The following FARS2 variants were observed in gnomAD, a reference collection of about 807,000 sequenced individuals.
FARS2 encodes phenylalanyl-tRNA synthetase 2, mitochondrial, also known as phenylalanine--tRNA ligase, mitochondrial.
In FARS2, 40 loss-of-function variants were observed where a neutral mutation model predicts 46.4. The observed-to-expected ratio is 0.86, with a 90% CI of 0.67 to 1.12. The LOEUF (loss-of-function observed/expected upper bound fraction) is 1.12. FARS2 is among the 50% of genes most tolerant of loss of function. FARS2 has a pLI of 0.00. For missense variants in FARS2, 513 were observed against 567.9 expected (o/e 0.90, Z 0.98); for synonymous variants, 234 against 214.9 (o/e 1.09, Z -0.78).
rs1209611605 is a variant in FARS2 at position 5,263,878 on chromosome 6, A to C, written c.-22+2218A>C. ...AGCTTAAATATCAAAATGATGTATA[A>C]AGTAAAATTTGTATAGTAGTAGTAA... On this transcript the variant is annotated intron_variant, in intron 1 of 6. Transcript: ENST00000274680. Among the ~76,000 whole-genome samples the C allele has an allele frequency of 3.3e-5, 5 of 152,210 alleles. No individual in the cohort carries two copies. The East Asian group carries it at 9.6e-4, about 29-fold the overall frequency.
At chr6:5,391,152 C>G (rs1186660354) in intron 2 of FARS2, among the ~76,000 whole-genome samples, 1 of 152,084 alleles carries the variant, frequency 6.6e-6, no homozygotes, top group African/African-American at 2.4e-5. Context: ...ACCCTATTGC[C>G]CCTTTTAATA....
chr6:5,586,964 G>A (rs754684998), intron 5 of FARS2, among the ~76,000 whole-genome samples: 5 of 152,152 alleles, frequency 3.3e-5, no homozygotes, highest in Non-Finnish European at 2.9e-5. Context: ...ATCAAAATGT[G>A]TGGCTAATGG....
At chr6:5,444,999 A>G (rs1157802392) in intron 4 of FARS2, among the ~76,000 whole-genome samples, 1 of 152,206 alleles carries the variant, frequency 6.6e-6, no homozygotes, top group Non-Finnish European at 1.5e-5. Flanking sequence ...TGAGGGGCCT[A>G]AATTATATAA....
At chr6:5,428,827 T>A (rs1762998378) in intron 3 of FARS2, among the ~76,000 whole-genome samples, 1 of 152,200 alleles carries the variant, frequency 6.6e-6, no homozygotes, top group African/African-American at 2.4e-5. Context: ...GTGGGGACAG[T>A]TCTCCAACGG....
At chr6:5,687,452 G>C (rs1395394868) in intron 6 of FARS2, among the ~76,000 whole-genome samples, 1 of 152,148 alleles carries the variant, frequency 6.6e-6, no homozygotes, top group Admixed American at 6.5e-5. Context: ...TTATTAAATA[G>C]GGAATCCTTT....
At chr6:5,609,964 A>G (rs757657490) in intron 5 of FARS2, 6 of 1,272,298 alleles carry the variant, frequency 4.7e-6, no homozygotes, top group Middle Eastern at 2.5e-4. Context: ...TCTTCCATCC[A>G]CCTTGTGTGG....
intron 4 of FARS2, among the ~76,000 whole-genome samples, chr6:5,464,310 C>G (rs1048163758): frequency 1.3e-5 from 2 of 152,200 alleles, no homozygotes; most frequent in Non-Finnish European, 1.5e-5. Context: ...ACCATATGTG[C>G]AGGCTTCACA....
intron 4 of FARS2, among the ~76,000 whole-genome samples, chr6:5,508,980 G>A (rs1345750090): frequency 6.6e-6 from 1 of 152,144 alleles, no homozygotes; most frequent in Non-Finnish European, 1.5e-5. Flanking sequence ...TGAGTTTTGC[G>A]GGCTGGTCTC....
At chr6:5,413,479 C>T (rs994799212) in intron 3 of FARS2, among the ~76,000 whole-genome samples, 1 of 152,072 alleles carries the variant, frequency 6.6e-6, no homozygotes, top group Non-Finnish European at 1.5e-5. Context: ...ACCTAGAAAC[C>T]ATTAAGATTT....
intron 5 of FARS2, among the ~76,000 whole-genome samples, chr6:5,589,893 A>G (rs1410470386): frequency 4.6e-5 from 7 of 152,208 alleles, no homozygotes; most frequent in Non-Finnish European, 8.8e-5. Context: ...ATGAGCTGCT[A>G]TATCCTAGTG....
chr6:5,637,222 G>A (rs1350722874), intron 6 of FARS2, among the ~76,000 whole-genome samples: 1 of 152,256 alleles, frequency 6.6e-6, no homozygotes, highest in Non-Finnish European at 1.5e-5. Flanking sequence ...CATTCCTGGT[G>A]AGGAGGCCTT....
At chr6:5,260,598 T>TGCCCCGGCCCCGGGG, upstream of FARS2, 14 of 1,105,554 alleles carry the variant, frequency 1.3e-5, no homozygotes, top group Non-Finnish European at 1.6e-5. Flanking sequence ...GCACCCCCGG[T>TGCCCCGGCCCCGGGG]CCCCGGCCCC....
intron 3 of FARS2, among the ~76,000 whole-genome samples, chr6:5,411,122 C>T (rs1484127642): frequency 6.6e-6 from 1 of 152,066 alleles, no homozygotes; most frequent in Non-Finnish European, 1.5e-5. Context: ...ACAACAACAA[C>T]AAAAATCAGG....
intron 5 of FARS2, among the ~76,000 whole-genome samples, chr6:5,548,728 CAT>C (rs888452276): frequency 6.6e-6 from 1 of 152,122 alleles, no homozygotes; most frequent in African/African-American, 2.4e-5. Context: ...TTATGAGACA[CAT>C]AGAAATAGAC....
chr6:5,387,153 A>C (rs1024666491), intron 2 of FARS2, among the ~76,000 whole-genome samples: 2 of 152,134 alleles, frequency 1.3e-5, no homozygotes, highest in Non-Finnish European at 2.9e-5. Context: ...TGTTTAAAGG[A>C]AAGAATGGAA....
intron 5 of FARS2, among the ~76,000 whole-genome samples, chr6:5,573,629 C>T (rs945773586): frequency 6.6e-5 from 10 of 152,208 alleles, no homozygotes; most frequent in Admixed American, 2.6e-4. Flanking sequence ...CCTTCATCCC[C>T]CATTCCCTAC....
intron 6 of FARS2, among the ~76,000 whole-genome samples, chr6:5,625,854 G>A (rs1481307992): frequency 1.3e-5 from 2 of 152,194 alleles, no homozygotes; most frequent in African/African-American, 4.8e-5. Context: ...CTCCGGAGAG[G>A]TGGGACTGGG....
At chr6:5,484,996 A>G (rs1296828285) in intron 4 of FARS2, among the ~76,000 whole-genome samples, 1 of 152,140 alleles carries the variant, frequency 6.6e-6, no homozygotes, top group Non-Finnish European at 1.5e-5. Context: ...GCCCCGGAGG[A>G]GCCCTCCCTG....
intron 1 of FARS2, among the ~76,000 whole-genome samples, chr6:5,328,905 C>G (rs193025920): frequency 3.6e-4 from 55 of 152,144 alleles, no homozygotes; most frequent in South Asian, 1.0e-3. Context: ...CCAAAGAGCT[C>G]GTTTTTCATA....
Sources: allele counts gnomAD v4.1 joint callset (sites outside exome capture counted in the v4.1 genomes callset), GRCh38; gene constraint gnomAD v4.1.1; transcripts MANE v1.5; gene names NCBI Gene and HGNC (gene_info 2026-07-23, HGNC 2026-07-21).